Variants in UBE2J2 observed in about 807,000 individuals in gnomAD.
The protein encoded by UBE2J2 is ubiquitin conjugating enzyme E2 J2.
UBE2J2 carries 5 observed loss-of-function variants against 28.6 expected under a neutral mutation model. The observed-to-expected ratio is 0.17, with a 90% confidence interval of 0.09 to 0.37. The LOEUF (loss-of-function observed/expected upper bound fraction) is 0.37. Ranked by LOEUF, UBE2J2 falls within the 10% of genes least tolerant of loss-of-function variation. The pLI is 1.00. For synonymous variants in UBE2J2, 138 were observed against 139.7 expected (o/e 0.99, Z 0.09); for missense variants, 226 against 338.9 (o/e 0.67, Z 2.62).
chr1:1,265,538 T>C (rs1639797898), intron 2 of UBE2J2, among the ~76,000 whole-genome samples: 1 of 151,242 alleles, frequency 6.6e-6, no homozygotes, highest in African/African-American at 2.4e-5. Context: ...ACATGCCTCT[T>C]CCGCTGGCTG....
intron 1 of UBE2J2, among the ~76,000 whole-genome samples, chr1:1,269,693 A>G (rs928429252): frequency 4.6e-5 from 7 of 151,932 alleles, no homozygotes; most frequent in Non-Finnish European, 7.4e-5. Context: ...CGAACTCCTG[A>G]CCTCAGGTAA....
intron 1 of UBE2J2, chr1:1,272,842 G>A (rs1640229242): frequency 1.9e-5 from 3 of 154,230 alleles, no homozygotes; most frequent in African/African-American, 2.4e-5. Context: ...TAGACTAAGC[G>A]AGATACTCAC....
chr1:1,261,373 G>C (rs1320160335), intron 3 of UBE2J2, among the ~76,000 whole-genome samples: 1 of 152,204 alleles, frequency 6.6e-6, no homozygotes, highest in East Asian at 1.9e-4. Flanking sequence ...GAAGCGATGG[G>C]AGGGGACCAA....
intron 3 of UBE2J2, chr1:1,262,172 G>A (rs987199135): frequency 1.4e-5 from 5 of 350,288 alleles, no homozygotes; most frequent in Admixed American, 7.4e-5. Context: ...CTACTCACTC[G>A]GTGGTATATA....
At chr1:1,265,690 C>G (rs974436472) in intron 2 of UBE2J2, among the ~76,000 whole-genome samples, 1 of 149,306 alleles carries the variant, frequency 6.7e-6, no homozygotes, top group African/African-American at 2.5e-5. Context: ...TACAGTGGTG[C>G]GATCTCAGCT....
At chr1:1,265,603 T>TTG (rs57125925) in intron 2 of UBE2J2, among the ~76,000 whole-genome samples, 21,983 of 120,730 alleles carry the variant, frequency 0.18, 1,998 homozygotes, top group Admixed American at 0.26. Flanking sequence ...TTTCTCTCCA[T>TTG]TGTGTGTGTG....
chr1:1,262,161 A>C (rs115807277), intron 3 of UBE2J2: 39 of 338,496 alleles, frequency 1.2e-4, no homozygotes, highest in South Asian at 1.9e-4. Context: ...CCGGCCGACC[A>C]CTACTCACTC....
rs1055833255 is a variant in UBE2J2 at position 1,254,278 on chromosome 1, G to A, written c.*925C>T. The A allele has an allele frequency of 6.6e-6, 1 of 152,218 alleles. No individual in the cohort carries two copies. The highest frequency in any genetic ancestry group is 2.4e-5 in the African/African-American group (1 of 41,452). The allele number at this position is 152,218 out of a possible 1,614,324, so 9.4% of individuals were successfully genotyped here. A position where few individuals can be genotyped will look rare whatever the true frequency, so the allele number is the denominator to read the frequency against. ...CATGTTCCGTGGACAGCGAACACCC[G>A]GGCCGGAGCCATTACCTACTGTGAA... On this transcript the variant is annotated 3_prime_UTR_variant, in exon 7 of 7. Coordinates refer to ENST00000349431, the MANE Select transcript of UBE2J2 (RefSeq NM_058167.3).
intron 3 of UBE2J2, chr1:1,262,449 G>A (rs908140007): frequency 2.6e-6 from 1 of 384,754 alleles, no homozygotes; most frequent in South Asian, 1.8e-5. Context: ...ATGCCTTCAG[G>A]AGAGCCTTTT....
chr1:1,256,058 G>C lies in UBE2J2; in HGVS notation c.482C>G (p.Pro161Arg). The C allele has an allele frequency of 6.2e-7, 1 of 1,612,476 alleles. No homozygotes were observed. Among genetic ancestry groups the C allele is most frequent in the Non-Finnish European group, 8.5e-7 (1 of 1,178,632 alleles). Reference protein sequence around the residue: ...LKDKVFCELFPEVVEEIKQKQ... With the variant: ...LKDKVFCELFREVVEEIKQKQ... ...CGTCTTTCTTACCTCCACGACTTCA[G>C]GAAATAATTCACAAAAGACTTTATC... The change falls in exon 6 of 7, where the codon CCT becomes CGT. Residue 161 changes from proline (P) to arginine (R), a missense_variant. Physicochemically the swap from Pro to Arg is moderately radical, Grantham distance 103 (BLOSUM62 -2). Around this residue, in one of 3 missense-constraint regions of UBE2J2, gnomAD observed 133 missense variants for 161.5 expected, o/e 0.82. Coordinates refer to ENST00000349431, the MANE Select transcript of UBE2J2 (RefSeq NM_058167.3).
Position 1,255,021 on chromosome 1 carries a change from G to A in UBE2J2, c.*182C>T. ...CGGCCCGTGGCCAGGACAGGGCTGA[G>A]GCTCCAGTCTCCTCCAAAGCCCAGT... On this transcript the variant is annotated 3_prime_UTR_variant, in exon 7 of 7. Transcript: ENST00000349431. 3.1e-6 allele frequency: 2 copies of A among 647,354 alleles called. No individual in the cohort carries two copies. Among genetic ancestry groups the A allele is most frequent in the Non-Finnish European group, 2.5e-6 (1 of 392,980 alleles). The allele number at this position is 647,354 out of a possible 1,614,324, so 40.1% of individuals were successfully genotyped here. A position where few individuals can be genotyped will look rare whatever the true frequency, so the allele number is the denominator to read the frequency against.
chr1:1,269,764 A>G (rs1280262520), intron 1 of UBE2J2, among the ~76,000 whole-genome samples: 1 of 152,076 alleles, frequency 6.6e-6, no homozygotes, highest in Non-Finnish European at 1.5e-5. Flanking sequence ...GCGCCCAGCC[A>G]TGGCCACACG....
chr1:1,260,442 C>T (rs140287113), intron 3 of UBE2J2, among the ~76,000 whole-genome samples: 7 of 152,232 alleles, frequency 4.6e-5, no homozygotes, highest in African/African-American at 9.6e-5. Flanking sequence ...TCACTGCGTG[C>T]GCACACCTGT....
chr1:1,259,027 TGA>T (rs1204151435), intron 3 of UBE2J2, among the ~76,000 whole-genome samples: 8 of 151,918 alleles, frequency 5.3e-5, no homozygotes, highest in East Asian at 1.9e-4. Context: ...TGTGCGTGTC[TGA>T]GTGTGTGCAT....
rs376805815 is a variant in UBE2J2, at chr1:1,268,031, C to T, written c.1-39G>A. The stretch of plus-strand genomic sequence containing the variant: ...CGTCTACACTGACGACGAGAAGCAG[C>T]GCCGGCCACAGCTCTCTCCCCTGGC... On this transcript the variant is annotated intron_variant, in intron 1 of 6. Coordinates refer to ENST00000349431, the MANE Select transcript of UBE2J2 (RefSeq NM_058167.3). The surrounding 1 kb of genome is among the most constrained non-coding windows in gnomAD (Gnocchi z 4.7). 1.9e-5 allele frequency: 30 copies of T among 1,606,780 alleles called. No homozygotes were observed. Among genetic ancestry groups the T allele is most frequent in the African/African-American group, 4.0e-5 (3 of 74,726 alleles).
intron 3 of UBE2J2, among the ~76,000 whole-genome samples, chr1:1,258,047 GT>G (rs1320405299): frequency 2.7e-5 from 4 of 147,526 alleles, no homozygotes; most frequent in Admixed American, 1.4e-4. Context: ...GTTTTGTTTT[GT>G]TTTTTTTTTG....
chr1:1,256,860 C>G, intron 5 of UBE2J2, 132 bp downstream of exon 5: 1 of 921,408 alleles, frequency 1.1e-6, no homozygotes, highest in Non-Finnish European at 1.5e-6. Context: ...GCACTCCAGC[C>G]TGGAGACACA....
chr1:1,267,963 C>A lies in UBE2J2; in HGVS notation c.30G>T (p.Pro10=). The change falls in exon 2 of 7, where the codon CCG becomes CCT. Residue 10 remains proline (P), a synonymous_variant. Transcript: ENST00000349431. ...GCTTCAGCCTCTGGGTTGCCGTGGT[C>A]GGAGCCCTCTTACTGCTGGTGCTGC... The part of the protein sequence containing the change: MSSTSSKRA[P]TTATQRLKQD... 1.2e-6 allele frequency: 2 copies of A among 1,614,012 alleles called. No individual in the cohort carries two copies. The highest frequency in any genetic ancestry group is 1.7e-6 in the Non-Finnish European group (2 of 1,179,974).
Position 1,255,428 on chromosome 1 carries a change from G to C in UBE2J2, c.555C>G (p.Pro185=). The C allele has an allele frequency of 6.2e-7, 1 of 1,613,950 alleles. No individual in the cohort carries two copies. ...CCCCGTCTGGAACCACGTCTGGCAA[G>C]GGGAGAGTCTGGGGTCTGCTACTGA... The part of the protein sequence containing the change: ...DELSSRPQTL[P]LPDVVPDGET... The change falls in exon 7 of 7, where the codon CCC becomes CCG. Residue 185 remains proline, a synonymous_variant. Transcript: ENST00000349431.
Sources: gnomAD v4.1 joint callset for allele counts (sites outside exome capture counted in the v4.1 genomes callset) on GRCh38, gnomAD v4.1.1 for gene constraint, gnomAD v4.1.1 regional missense constraint, Gnocchi (gnomAD v3.1) non-coding constraint, MANE v1.5 for transcripts, NCBI Gene and HGNC (gene_info 2026-07-23, HGNC 2026-07-21) for gene names.